The following CFAP54 variants were observed in gnomAD, a reference collection of about 807,000 sequenced individuals.
CFAP54 encodes the protein cilia- and flagella-associated protein 54.
A neutral mutation model predicts 370.4 loss-of-function variants in CFAP54; 290 were observed. The observed-to-expected ratio is 0.78, with a 90% CI of 0.71 to 0.86. CFAP54 has a LOEUF of 0.86. Among genes scored for constraint, CFAP54 ranks in the 40% least tolerant of loss-of-function variants. The pLI, the probability that CFAP54 is intolerant of heterozygous loss-of-function variation, is 0.00. For synonymous variants in CFAP54, 1,206 were observed against 1,236.5 expected (o/e 0.98, Z 0.52); for missense variants, 3,399 against 3,528.7 (o/e 0.96, Z 0.93).
At chr12:96,653,283 G>A (rs1410054246) in intron 36 of CFAP54, among the ~76,000 whole-genome samples, 1 of 152,208 alleles carries the variant, frequency 6.6e-6, no homozygotes, top group Non-Finnish European at 1.5e-5. Flanking sequence ...AGATTAGGTG[G>A]CCTGTCACAA....
chr12:96,556,049 T>A (rs1955747619), intron 17 of CFAP54, among the ~76,000 whole-genome samples: 1 of 151,986 alleles, frequency 6.6e-6, no homozygotes, highest in Admixed American at 6.6e-5. Flanking sequence ...TAATTGGATA[T>A]CCATATGGAT....
intron 63 of CFAP54, among the ~76,000 whole-genome samples, chr12:96,808,658 A>G (rs1245968186): frequency 1.3e-5 from 2 of 152,174 alleles, no homozygotes; most frequent in African/African-American, 4.8e-5. Flanking sequence ...GTAGTCAAAA[A>G]CACGTGTGAG....
chr12:96,642,297 C>A (rs764876458), intron 32 of CFAP54, among the ~76,000 whole-genome samples: 4 of 152,004 alleles, frequency 2.6e-5, no homozygotes, highest in Non-Finnish European at 5.9e-5. Context: ...GCCCTCGAGT[C>A]AATTGATTTC....
chr12:96,496,703 TGGG>T (rs1954958624), intron 1 of CFAP54, among the ~76,000 whole-genome samples: 1 of 151,680 alleles, frequency 6.6e-6, no homozygotes, highest in South Asian at 2.1e-4. Flanking sequence ...TGGGGGGCAG[TGGG>T]GGAGGGGTCA....
At chr12:96,863,547 C>T (rs1959930867) in intron 67 of CFAP54, among the ~76,000 whole-genome samples, 1 of 152,192 alleles carries the variant, frequency 6.6e-6, no homozygotes, top group Admixed American at 6.5e-5. Flanking sequence ...CCTCCTCTGC[C>T]CTTCTACCCA....
At chr12:96,790,593 AGTT>A (rs1444804396) in intron 62 of CFAP54, among the ~76,000 whole-genome samples, 1 of 152,218 alleles carries the variant, frequency 6.6e-6, no homozygotes, top group Non-Finnish European at 1.5e-5. Context: ...TTGCTAAAAT[AGTT>A]GTCAGAACCT....
intron 66 of CFAP54, among the ~76,000 whole-genome samples, chr12:96,849,940 G>T (rs981233675): frequency 1.8e-4 from 28 of 152,180 alleles, no homozygotes; most frequent in African/African-American, 6.5e-4. Context: ...TCCTGACCTA[G>T]GGAATGGAAC....
chr12:96,563,977 C>G lies in CFAP54; in HGVS notation c.2411-491C>G, dbSNP rs566723122. 2.7e-4 allele frequency among the ~76,000 whole-genome samples: 41 copies of G among 152,242 alleles called. No homozygotes were observed. The South Asian group carries it at 8.5e-3, about 32-fold the overall frequency. Reference sequence around the variant, plus strand: ...CAACTGGCAAGTTCATGTTTTAGTTCAAAATCTTGAGACAGGCTCTGATTT... The same window carrying G: ...CAACTGGCAAGTTCATGTTTTAGTTGAAAATCTTGAGACAGGCTCTGATTT... On this transcript the variant is annotated intron_variant, in intron 17 of 67. Coordinates refer to ENST00000524981, the MANE Select transcript of CFAP54 (RefSeq NM_001306084.2).
intron 48 of CFAP54, among the ~76,000 whole-genome samples, chr12:96,716,404 C>G (rs1473786117): frequency 1.3e-5 from 2 of 152,198 alleles, no homozygotes; most frequent in East Asian, 1.9e-4. Context: ...GCATTTAGTT[C>G]CAGAAAGCAT....
At chr12:96,826,076 AT>A (rs1959098922) in intron 65 of CFAP54, among the ~76,000 whole-genome samples, 1 of 145,334 alleles carries the variant, frequency 6.9e-6, no homozygotes, top group Non-Finnish European at 1.5e-5. Flanking sequence ...ATTTACCAGC[AT>A]TTAGAATACT....
chr12:96,752,508 T>C (rs978921945), intron 55 of CFAP54, among the ~76,000 whole-genome samples: 1 of 152,182 alleles, frequency 6.6e-6, no homozygotes, highest in African/African-American at 2.4e-5. Context: ...GCCTTTCTGT[T>C]TATATTACTT....
chr12:96,698,248 A>G (rs1195984230), intron 45 of CFAP54, among the ~76,000 whole-genome samples: 1 of 152,112 alleles, frequency 6.6e-6, no homozygotes, highest in Non-Finnish European at 1.5e-5. Flanking sequence ...TTTTTCTATA[A>G]TTTTCTGATT....
At chr12:96,734,132 A>G (rs1592732535) in intron 50 of CFAP54, among the ~76,000 whole-genome samples, 1 of 152,338 alleles carries the variant, frequency 6.6e-6, no homozygotes, top group South Asian at 2.1e-4. Flanking sequence ...AATTTTCTAC[A>G]AATATCTAAA....
rs200095501 is a variant in CFAP54 at position 96,625,846 on chromosome 12, TATCACTGAAGAG to T, written c.3976+41_3976+52del. 4.0e-4 allele frequency: 550 copies of T among 1,364,280 alleles called. 2 individuals are homozygous for T. In the African/African-American group the frequency reaches 6.8e-3, roughly 17 times the overall value. 84.5% of individuals were successfully genotyped at this position (1,364,280 alleles called of 1,614,324 possible). On this transcript the variant is annotated intron_variant, in intron 29 of 67. Coordinates refer to ENST00000524981, the MANE Select transcript of CFAP54 (RefSeq NM_001306084.2). ...ATGTGTATATGCTGTTCACTCGATT[TATCACTGAAGAG>T]AATTAATTCTGTGGATTTTGTTTCT...
At chr12:96,664,975 ATCTG>A (rs1468547157) in intron 39 of CFAP54, among the ~76,000 whole-genome samples, 1 of 151,628 alleles carries the variant, frequency 6.6e-6, no homozygotes, top group Non-Finnish European at 1.5e-5. Context: ...CCTTGCCAGC[ATCTG>A]TTGTTTTTTT....
At chr12:96,828,037 A>G (rs576679490) in intron 65 of CFAP54, among the ~76,000 whole-genome samples, 1 of 126,958 alleles carries the variant, frequency 7.9e-6, no homozygotes, top group Non-Finnish European at 1.6e-5. Flanking sequence ...AATATATAAT[A>G]TATAATTATA....
intron 48 of CFAP54, among the ~76,000 whole-genome samples, chr12:96,714,380 C>T (rs555653345): frequency 1.3e-5 from 2 of 152,288 alleles, no homozygotes; most frequent in East Asian, 3.9e-4. Context: ...GAAGTCCACA[C>T]TGAAGAAATG....
rs528920171 is a variant in CFAP54 at position 96,634,086 on chromosome 12, C to A, written c.4316+3435C>A. On this transcript the variant is annotated intron_variant, in intron 32 of 67. Transcript: ENST00000524981. The stretch of plus-strand genomic sequence containing the variant: ...TTTTTTTTTTTTTGAGATGGAGTCT[C>A]ACTCTGTTGCCCAGGCTGGAGTGCA... 2.4e-4 allele frequency among the ~76,000 whole-genome samples: 18 copies of A among 75,392 alleles called. No homozygotes were observed. The Admixed American group carries it at 3.5e-3, about 14-fold the overall frequency. 49.5% of individuals were successfully genotyped at this position (75,392 alleles called of 152,430 possible).
intron 66 of CFAP54, among the ~76,000 whole-genome samples, chr12:96,851,135 C>G (rs1181541579): frequency 2.0e-5 from 3 of 151,970 alleles, no homozygotes; most frequent in African/African-American, 7.3e-5. Context: ...CTTGAACTCT[C>G]TGGGGAGAAG....
Sources: gnomAD v4.1 joint callset for allele counts (sites outside exome capture counted in the v4.1 genomes callset) on GRCh38, gnomAD v4.1.1 for gene constraint, MANE v1.5 for transcripts, NCBI Gene and HGNC (gene_info 2026-07-23, HGNC 2026-07-21) for gene names.